Variants in FCHSD2 observed in about 807,000 individuals in gnomAD.
FCHSD2 encodes FCH and double SH3 domains 2, also known as F-BAR and double SH3 domains protein 2.
FCHSD2 carries 38 observed loss-of-function variants against 108.1 expected under a neutral mutation model. That is an observed-to-expected ratio of 0.35 (90% CI 0.27 to 0.46). FCHSD2 has a LOEUF of 0.46. Among genes scored for constraint, FCHSD2 ranks in the 20% least tolerant of loss-of-function variants. The pLI is 1.00. For missense variants in FCHSD2, 751 were observed against 897.8 expected (o/e 0.84, Z 2.09); for synonymous variants, 279 against 314.7 (o/e 0.89, Z 1.20).
At chr11:73,083,328 A>C (rs897115623) in intron 3 of FCHSD2, among the ~76,000 whole-genome samples, 1 of 152,166 alleles carries the variant, frequency 6.6e-6, no homozygotes, top group Admixed American at 6.6e-5. Flanking sequence ...AGGCGGACGG[A>C]TCATAAGGTC....
At chr11:73,085,982 T>C (rs1022772898) in intron 2 of FCHSD2, among the ~76,000 whole-genome samples, 13 of 152,104 alleles carry the variant, frequency 8.5e-5, no homozygotes, top group African/African-American at 2.7e-4. Flanking sequence ...ACTAAAACAA[T>C]GGTTTTAAAG....
intron 3 of FCHSD2, among the ~76,000 whole-genome samples, chr11:73,057,461 C>G (rs1859052936): frequency 1.3e-5 from 2 of 152,246 alleles, no homozygotes; most frequent in Non-Finnish European, 2.9e-5. Flanking sequence ...CCTGCCCTCA[C>G]AGCCAACAGA....
intron 3 of FCHSD2, among the ~76,000 whole-genome samples, chr11:73,057,810 C>A (rs945019083): frequency 6.6e-6 from 1 of 152,142 alleles, no homozygotes; most frequent in Non-Finnish European, 1.5e-5. Context: ...GGAATGAGTT[C>A]CCCTCAGTTC....
intron 3 of FCHSD2, among the ~76,000 whole-genome samples, chr11:73,031,187 G>C (rs769717395): frequency 1.3e-5 from 2 of 151,896 alleles, no homozygotes; most frequent in Non-Finnish European, 2.9e-5. Flanking sequence ...TGAATAAATA[G>C]AGAATAAAGG....
chr11:72,902,854 T>A (rs764474865), intron 9 of FCHSD2, among the ~76,000 whole-genome samples: 1 of 152,224 alleles, frequency 6.6e-6, no homozygotes, highest in African/African-American at 2.4e-5. Flanking sequence ...TGGAAAGTGA[T>A]AGTTTAGAAA....
Position 72,838,796 on chromosome 11 carries a change from C to T in FCHSD2, c.2218G>A (p.Val740Met). ...ATGGATGGGCAAGCCCATCATCACACCAGTGTGATTTCCACATCTTCAATC... is the reference window on the plus strand; with the variant it reads ...ATGGATGGGCAAGCCCATCATCACATCAGTGTGATTTCCACATCTTCAATC... Reference protein sequence around the residue: ...EKIEDVEITLV With the variant: ...EKIEDVEITLM The change falls in exon 20 of 20, where the codon GTG becomes ATG. Residue 740 changes from valine to methionine, a missense_variant. By Grantham distance (21) the Val-to-Met change is conservative. Coordinates refer to ENST00000409418, the MANE Select transcript of FCHSD2 (RefSeq NM_014824.3). 6.2e-7 allele frequency: 1 copy of T among 1,600,898 alleles called. No individual in the cohort carries two copies. The highest frequency in any genetic ancestry group is 8.5e-7 in the Non-Finnish European group (1 of 1,174,834).
At chr11:73,029,874 C>T (rs1172465097) in intron 3 of FCHSD2, among the ~76,000 whole-genome samples, 2 of 152,148 alleles carry the variant, frequency 1.3e-5, no homozygotes, top group Admixed American at 1.3e-4. Flanking sequence ...AAGTTTACAT[C>T]TCAGGCTGAT....
chr11:73,077,758 G>A, intron 3 of FCHSD2: 1 of 295,698 alleles, frequency 3.4e-6, no homozygotes, highest in Non-Finnish European at 6.7e-6. Context: ...AAGCCAGCTG[G>A]GAGAGAGGGA....
chr11:72,907,600 T>TG (rs1591387085), intron 9 of FCHSD2, among the ~76,000 whole-genome samples: 1 of 8,916 alleles, frequency 1.1e-4, no homozygotes. Flanking sequence ...ATCACGTGGG[T>TG]TTTTTTTTTT....
At chr11:72,881,323 A>G (rs1216081270) in intron 12 of FCHSD2, among the ~76,000 whole-genome samples, 1 of 152,234 alleles carries the variant, frequency 6.6e-6, no homozygotes, top group Non-Finnish European at 1.5e-5. Flanking sequence ...CCAGATATCA[A>G]AACCAAAATC....
chr11:73,040,872 C>T (rs1191822081), intron 3 of FCHSD2, among the ~76,000 whole-genome samples: 1 of 152,082 alleles, frequency 6.6e-6, no homozygotes, highest in Non-Finnish European at 1.5e-5. Context: ...TCCCTTCAAC[C>T]TTCCCACAAA....
chr11:72,968,281 G>A (rs1397930706), intron 8 of FCHSD2, among the ~76,000 whole-genome samples: 1 of 152,188 alleles, frequency 6.6e-6, no homozygotes, highest in African/African-American at 2.4e-5. Flanking sequence ...CTGGTACTCT[G>A]TCCTTAAGAC....
In FCHSD2 at chr11:72,887,561, A is replaced by G; in HGVS notation, c.1055T>C (p.Leu352Pro). 1 of 1,582,002 alleles carries G rather than the reference A, an allele frequency of 6.3e-7. No homozygotes were observed. The highest frequency in any genetic ancestry group is 8.6e-7 in the Non-Finnish European group (1 of 1,166,762). Residue 352 changes from leucine (L) to proline (P), a missense_variant, in exon 12 of 20, where the codon CTG (leucine) becomes CCG (proline). Transcript: ENST00000409418. ...TGATACAGCAGCTCCATGACACTCC[A>G]GATCATTTAGAACCTATTAAAGAAA... ...IVHQQRVLNDLECHGAAVSEQ... is the reference protein window; with the variant it reads ...IVHQQRVLNDPECHGAAVSEQ...
At chr11:72,944,889 T>G (rs1043891576) in intron 8 of FCHSD2, among the ~76,000 whole-genome samples, 10 of 151,894 alleles carry the variant, frequency 6.6e-5, no homozygotes, top group African/African-American at 7.3e-5. Flanking sequence ...CACTGCTCAA[T>G]GAAATAAAAA....
intron 8 of FCHSD2, chr11:72,940,764 TA>T: frequency 2.4e-6 from 2 of 850,992 alleles, no homozygotes; most frequent in East Asian, 2.4e-5. Context: ...ATCATGGTGT[TA>T]ATCAGCTAAA....
chr11:73,142,008 T>G lies in FCHSD2; in HGVS notation c.-131A>C. The G allele has an allele frequency of 1.1e-6, 1 of 892,538 alleles. No homozygotes were observed. The allele number at this position is 892,538 out of a possible 1,614,324, so 55.3% of individuals were successfully genotyped here. On this transcript the variant is annotated 5_prime_UTR_variant, in exon 1 of 20. Coordinates refer to ENST00000409418, the MANE Select transcript of FCHSD2 (RefSeq NM_014824.3). Reference sequence around the variant, plus strand: ...GAAAGGAGCGCTTAAGAAGCAAGACTTGCCCCGGAGGGAGCAGGCCAGCGG... The same window carrying G: ...GAAAGGAGCGCTTAAGAAGCAAGACGTGCCCCGGAGGGAGCAGGCCAGCGG...
chr11:73,087,704 C>CA (rs534614813), intron 2 of FCHSD2, among the ~76,000 whole-genome samples: 3,417 of 114,024 alleles, frequency 0.03, 76 homozygotes, highest in African/African-American at 0.077. Flanking sequence ...GGCTTTGTCT[C>CA]AAAAAAAAAA....
chr11:73,126,928 C>T (rs1204068040), intron 2 of FCHSD2, among the ~76,000 whole-genome samples: 3 of 152,122 alleles, frequency 2.0e-5, no homozygotes, highest in Admixed American at 6.6e-5. Context: ...ATCCTAGCTA[C>T]TCAGGAGGCC....
intron 5 of FCHSD2, among the ~76,000 whole-genome samples, chr11:72,991,772 GAACT>G (rs1404156311): frequency 6.6e-6 from 1 of 152,034 alleles, no homozygotes; most frequent in Non-Finnish European, 1.5e-5. Flanking sequence ...AAAATAATAA[GAACT>G]ATCTATGACA....
Sources: allele counts gnomAD v4.1 joint callset (sites outside exome capture counted in the v4.1 genomes callset), GRCh38; gene constraint gnomAD v4.1.1; transcripts MANE v1.5; gene names NCBI Gene and HGNC (gene_info 2026-07-23, HGNC 2026-07-21).